The following HERC3 variants were observed in gnomAD, a reference collection of about 807,000 sequenced individuals.
HERC3 encodes HECT and RLD domain containing E3 ubiquitin protein ligase 3, also known as probable E3 ubiquitin-protein ligase HERC3.
HERC3 carries 58 observed loss-of-function variants against 129.9 expected under a neutral mutation model. That is an observed-to-expected ratio of 0.45 (90% CI 0.36 to 0.56). HERC3 has a LOEUF of 0.56. HERC3 is among the 20% of genes least tolerant of loss of function. HERC3 has a pLI of 0.00. For synonymous variants in HERC3, 430 were observed against 451.0 expected (o/e 0.95, Z 0.59); for missense variants, 835 against 1,244.2 (o/e 0.67, Z 4.95).
intron 12 of HERC3, 31 bp from the exon 13 acceptor site, chr4:88,667,346 A>T (rs761276102): frequency 1.6e-6 from 2 of 1,243,796 alleles, no homozygotes; most frequent in Admixed American, 2.0e-5. Flanking sequence ...TTTTTCTTTT[A>T]TTATATACCT....
chr4:88,544,865 C>A, the HERC3 span, among the ~76,000 whole-genome samples: 1 of 152,072 alleles, frequency 6.6e-6, no homozygotes, highest in Non-Finnish European at 1.5e-5. Flanking sequence ...AACACGTGGA[C>A]ACAGGGCAGG....
At chr4:88,644,164 AT>A (rs1468986813) in intron 3 of HERC3, among the ~76,000 whole-genome samples, 1 of 152,240 alleles carries the variant, frequency 6.6e-6, no homozygotes, top group African/African-American at 2.4e-5. Context: ...TGGAACTCTC[AT>A]AATTGCTGGT....
the HERC3 span, among the ~76,000 whole-genome samples, chr4:88,562,417 A>G: frequency 2.0e-5 from 3 of 152,072 alleles, no homozygotes; most frequent in Non-Finnish European, 4.4e-5. Flanking sequence ...CCTCTGTCAG[A>G]TGGGTAGTTT....
At chr4:88,620,000 A>G (rs1725342626) in intron 3 of HERC3, among the ~76,000 whole-genome samples, 1 of 152,242 alleles carries the variant, frequency 6.6e-6, no homozygotes, top group Non-Finnish European at 1.5e-5. Flanking sequence ...AATACAGTCA[A>G]CTGGCTGTTT....
At chr4:88,577,616 T>TATATATATATATATATATATATATATAA in the HERC3 span, among the ~76,000 whole-genome samples, 1 of 144,654 alleles carries the variant, frequency 6.9e-6, no homozygotes, top group African/African-American at 2.9e-5. Flanking sequence ...TATATATATA[T>TATATATATATATATATATATATATATAA]AATAGGTTTG....
At chr4:88,668,722 G>A (rs985061316) in intron 14 of HERC3, 2 of 152,648 alleles carry the variant, frequency 1.3e-5, no homozygotes, top group African/African-American at 4.8e-5. Context: ...TTTGTTAGGT[G>A]TCATTGCAGC....
At chr4:88,662,645 C>A in intron 11 of HERC3, 90 bp downstream of exon 11, 1 of 1,317,842 alleles carries the variant, frequency 7.6e-7, no homozygotes, top group Non-Finnish European at 1.0e-6. Context: ...CATATTGATA[C>A]TGTGAATGTA....
chr4:88,643,922 G>GA lies in HERC3; in HGVS notation c.227-5912dup, dbSNP rs753789524. Among the ~76,000 whole-genome samples the GA allele has an allele frequency of 1.4e-4, 21 of 152,120 alleles. No individual in the cohort carries two copies. The East Asian group carries it at 3.7e-3, about 27-fold the overall frequency. ...TTATCTATGAGTGTGTTAAGAGAATGAAAAAACAACTCAATAGTGAAATAA... is the reference window on the plus strand; with the variant it reads ...TTATCTATGAGTGTGTTAAGAGAATGAAAAAAACAACTCAATAGTGAAATAA... On this transcript the variant is annotated intron_variant, in intron 3 of 25. Transcript: ENST00000402738.
At chr4:88,570,042 G>A in the HERC3 span, among the ~76,000 whole-genome samples, 1 of 152,196 alleles carries the variant, frequency 6.6e-6, no homozygotes, top group African/African-American at 2.4e-5. Flanking sequence ...TTCCAGGGTG[G>A]CAGATAGGTA....
chr4:88,585,120 G>T, the HERC3 span, among the ~76,000 whole-genome samples: 1 of 152,196 alleles, frequency 6.6e-6, no homozygotes, highest in South Asian at 2.1e-4. Flanking sequence ...CATGGTGGAA[G>T]GGGCTAGCTA....
At chr4:88,631,508 C>T (rs1356776768) in intron 3 of HERC3, among the ~76,000 whole-genome samples, 1 of 152,174 alleles carries the variant, frequency 6.6e-6, no homozygotes, top group Non-Finnish European at 1.5e-5. Flanking sequence ...TAATCTTTCT[C>T]TCTGATTCTT....
At chr4:88,683,175 A>G (rs1359245532) in intron 21 of HERC3, among the ~76,000 whole-genome samples, 1 of 152,136 alleles carries the variant, frequency 6.6e-6, no homozygotes, top group African/African-American at 2.4e-5. Context: ...GGGTTATGTT[A>G]TTCTCTTTCT....
chr4:88,654,642 A>G (rs1400483518), intron 7 of HERC3, among the ~76,000 whole-genome samples: 1 of 151,360 alleles, frequency 6.6e-6, no homozygotes, highest in Non-Finnish European at 1.5e-5. Context: ...CAATTTAATT[A>G]ATGTTTTAAA....
At chr4:88,691,247 T>C (rs992468474) in intron 23 of HERC3, among the ~76,000 whole-genome samples, 1 of 152,226 alleles carries the variant, frequency 6.6e-6, no homozygotes, top group Non-Finnish European at 1.5e-5. Context: ...AGAGTACTCA[T>C]TGAATACACT....
At position 88,667,969 on chromosome 4, in the gene HERC3, T is replaced by C. The variant is rs1049041803; in HGVS notation, c.1521T>C (p.Tyr507=). 1 of 1,613,028 alleles carries C rather than the reference T, an allele frequency of 6.2e-7. No individual in the cohort carries two copies. The highest frequency in any genetic ancestry group is 1.3e-5 in the African/African-American group (1 of 74,910). ...CAGATGTTGAAGCCATGAGAATCTA[T>C]TTAATACTACCTGAGTTTCCCCTAC... The part of the protein sequence containing the change: ...SPPDVEAMRI[Y]LILPEFPLLQ... Residue 507 remains tyrosine, a synonymous_variant, in exon 14 of 26, where the codon TAT becomes TAC. Transcript: ENST00000402738.
At chr4:88,537,222 A>T in the HERC3 span, among the ~76,000 whole-genome samples, 1 of 152,156 alleles carries the variant, frequency 6.6e-6, no homozygotes, top group Non-Finnish European at 1.5e-5. Context: ...AAGGAAAAGG[A>T]TTTCTGGTCC....
At chr4:88,545,430 C>CTTTTT in the HERC3 span, among the ~76,000 whole-genome samples, 28 of 110,378 alleles carry the variant, frequency 2.5e-4, no homozygotes, top group African/African-American at 7.7e-4. Context: ...TTTGAGAATT[C>CTTTTT]TTTTTTTTTT....
chr4:88,698,389 C>T (rs1394119463), intron 23 of HERC3, among the ~76,000 whole-genome samples: 1 of 152,004 alleles, frequency 6.6e-6, no homozygotes, highest in Non-Finnish European at 1.5e-5. Flanking sequence ...GGCCATCCCA[C>T]ACACCTAGCG....
intron 23 of HERC3, among the ~76,000 whole-genome samples, chr4:88,692,512 A>G (rs574341959): frequency 3.9e-5 from 6 of 152,148 alleles, no homozygotes; most frequent in Non-Finnish European, 5.9e-5. Flanking sequence ...CTTAAGATCT[A>G]CTTCAGGACC....
Sources: gnomAD v4.1 joint callset for allele counts (sites outside exome capture counted in the v4.1 genomes callset) on GRCh38, gnomAD v4.1.1 for gene constraint, MANE v1.5 for transcripts, NCBI Gene and HGNC (gene_info 2026-07-23, HGNC 2026-07-21) for gene names.